The following WNK1 variants were observed in gnomAD, a reference collection of about 807,000 sequenced individuals.
WNK1 encodes serine/threonine-protein kinase WNK1.
WNK1 carries 38 observed loss-of-function variants against 222.8 expected under a neutral mutation model. The ratio of observed to expected loss-of-function variants is 0.17; its 90% CI spans 0.13 to 0.22. The LOEUF (loss-of-function observed/expected upper bound fraction) is 0.22. Ranked by LOEUF, WNK1 falls within the 10% of genes least tolerant of loss-of-function variation. The pLI, the probability that WNK1 is intolerant of heterozygous loss-of-function variation, is 1.00. For missense variants in WNK1, 2,348 were observed against 2,918.4 expected, an observed-to-expected ratio of 0.80 and a Z score of 4.50; for synonymous variants, 1,090 against 1,092.9, an observed-to-expected ratio of 1.00 and a Z score of 0.05.
At chr12:776,931 A>G (rs1427450971) in intron 1 of WNK1, among the ~76,000 whole-genome samples, 1 of 152,210 alleles carries the variant, frequency 6.6e-6, no homozygotes, top group East Asian at 1.9e-4. Context: ...AGTGTTTACA[A>G]AGACTTATTC....
intron 6 of WNK1, 101 bp downstream of exon 6, chr12:859,565 C>A: frequency 1.2e-6 from 1 of 855,032 alleles, no homozygotes; most frequent in Non-Finnish European, 1.8e-6. Flanking sequence ...TGTGGCATAT[C>A]CCATTGACAT....
At chr12:807,872 A>G (rs1232486439) in intron 1 of WNK1, among the ~76,000 whole-genome samples, 2 of 151,728 alleles carry the variant, frequency 1.3e-5, no homozygotes, top group Admixed American at 1.3e-4. Flanking sequence ...GGCGCGCGCC[A>G]CTACGCCTGG....
At chr12:905,322 C>T (rs1464091856) in intron 26 of WNK1, among the ~76,000 whole-genome samples, 1 of 152,098 alleles carries the variant, frequency 6.6e-6, no homozygotes, top group East Asian at 1.9e-4. Context: ...GAAGCCAGAA[C>T]GTGAAGGTTT....
Position 872,185 on chromosome 12 carries a change from G to C in WNK1, c.2223+837G>C, listed in dbSNP as rs1481069470. 2.0e-5 allele frequency among the ~76,000 whole-genome samples: 3 copies of C among 152,182 alleles called. No individual in the cohort carries two copies. The East Asian group carries it at 5.8e-4, about 29-fold the overall frequency. Reference sequence around the variant, plus strand: ...CTGTTGCCCAGGCTGGAGTGCAGTGGTGCAATCTTGGCTCACTGCAACTTC... The same window carrying C: ...CTGTTGCCCAGGCTGGAGTGCAGTGCTGCAATCTTGGCTCACTGCAACTTC... On this transcript the variant is annotated intron_variant, in intron 9 of 27. Coordinates refer to ENST00000315939, the MANE Select transcript of WNK1 (RefSeq NM_018979.4).
intron 14 of WNK1, among the ~76,000 whole-genome samples, chr12:882,326 G>A (rs1476352807): frequency 6.6e-6 from 1 of 151,910 alleles, no homozygotes; most frequent in African/African-American, 2.4e-5. Flanking sequence ...AGCCTCCCAA[G>A]TAGCTGGGAC....
chr12:902,558 C>G (rs1303554369), intron 26 of WNK1, among the ~76,000 whole-genome samples: 4 of 152,174 alleles, frequency 2.6e-5, no homozygotes, highest in Non-Finnish European at 5.9e-5. Context: ...TGATAAAGCA[C>G]TTAGTCTAAT....
intron 23 of WNK1, among the ~76,000 whole-genome samples, chr12:895,005 C>G (rs1460003927): frequency 6.6e-6 from 1 of 152,014 alleles, no homozygotes; most frequent in Non-Finnish European, 1.5e-5. Flanking sequence ...GTTTACCTAA[C>G]CAGTCTCTAT....
In WNK1 at chr12:789,534, C is replaced by CTTT. The variant is rs34511181; in HGVS notation, c.760-24090_760-24088dup. ...TAGTAGAAACTGTGTGGTTATACTC[C>CTTT]TTTTTTTTTTTTTTTTTTTTGAGAC... is the stretch of plus-strand genomic sequence containing the variant. On this transcript the variant is annotated intron_variant, in intron 1 of 27. Transcript: ENST00000315939. 1.1e-3 allele frequency among the ~76,000 whole-genome samples: 132 copies of CTTT among 117,738 alleles called. 7 individuals are homozygous for CTTT. The highest frequency in any genetic ancestry group is 1.7e-3 in the Non-Finnish European group (97 of 56,366). The allele number at this position is 117,738 out of a possible 152,430, so 77.2% of individuals were successfully genotyped here. A position where few individuals can be genotyped will look rare whatever the true frequency, so the allele number is the denominator to read the frequency against.
intron 1 of WNK1, among the ~76,000 whole-genome samples, chr12:804,184 C>G (rs1442485122): frequency 6.6e-6 from 1 of 152,186 alleles, no homozygotes; most frequent in Non-Finnish European, 1.5e-5. Context: ...CCTGCCTCCC[C>G]TGTCCTGAAT....
intron 1 of WNK1, among the ~76,000 whole-genome samples, chr12:799,252 A>G (rs1945642702): frequency 6.6e-6 from 1 of 151,182 alleles, no homozygotes; most frequent in Non-Finnish European, 1.5e-5. Flanking sequence ...CCTCCTGAGT[A>G]GCTGAGACCT....
At chr12:851,485 G>A (rs1950416504) in intron 4 of WNK1, 1 of 1,150,910 alleles carries the variant, frequency 8.7e-7, no homozygotes, top group Non-Finnish European at 1.1e-6. Context: ...TGTTGGGCAT[G>A]CAGTTTTGTC....
rs1229285578 is a variant in WNK1 at position 754,133 on chromosome 12, G to A, written c.568G>A (p.Ala190Thr). 3 of 1,611,954 alleles carry A rather than the reference G, an allele frequency of 1.9e-6. No individual in the cohort carries two copies. The highest frequency in any genetic ancestry group is 2.5e-6 in the Non-Finnish European group (3 of 1,179,876). ...PARSGSGGGS[A>T]KEPQEERSQQ... The stretch of plus-strand genomic sequence containing the variant: ...GAGAAGTGGCAGCGGCGGCGGCAGC[G>A]CCAAGGAGCCACAGGAGGAACGGAG... Residue 190 changes from alanine to threonine, a missense_variant, in exon 1 of 28, where the codon GCC (alanine) becomes ACC (threonine). Transcript: ENST00000315939.
At chr12:768,812 T>G (rs2153943594) in intron 1 of WNK1, among the ~76,000 whole-genome samples, 1 of 152,054 alleles carries the variant, frequency 6.6e-6, no homozygotes, top group South Asian at 2.1e-4. Context: ...TGGATGAAGT[T>G]TTTTTGTTTT....
In WNK1 at chr12:878,277, A is replaced by G. The variant is rs766188712; in HGVS notation, c.2289A>G (p.Ser763=). 1 of 1,614,032 alleles carries G rather than the reference A, an allele frequency of 6.2e-7. No homozygotes were observed. The highest frequency in any genetic ancestry group is 2.2e-5 in the East Asian group (1 of 44,896). The change falls in exon 10 of 28, where the codon TCA becomes TCG. Residue 763 remains serine, a synonymous_variant. Transcript: ENST00000315939. ...QTVQYSLSQT[S]TSSEATTAQP... ...TGCAGTATTCACTTTCACAGACATC[A>G]ACCTCCAGTGAGGCCACTACTGCAC...
At chr12:893,766 T>A (rs1954489268) in intron 22 of WNK1, among the ~76,000 whole-genome samples, 1 of 149,478 alleles carries the variant, frequency 6.7e-6, no homozygotes. Context: ...TAGCTTGCAG[T>A]GAGCCAAGAT....
chr12:772,143 A>G (rs959803399), intron 1 of WNK1, among the ~76,000 whole-genome samples: 13 of 152,246 alleles, frequency 8.5e-5, no homozygotes, highest in Non-Finnish European at 1.3e-4. Context: ...CACTCTCGTT[A>G]TAAAAATTAG....
chr12:868,080 T>C (rs1467144891), intron 8 of WNK1: 1 of 1,614,030 alleles, frequency 6.2e-7, no homozygotes, highest in Non-Finnish European at 8.5e-7. Context: ...CAAAGTCTTC[T>C]TCCACCTGGT....
intron 1 of WNK1, among the ~76,000 whole-genome samples, chr12:784,035 C>G (rs899394494): frequency 2.1e-5 from 2 of 93,386 alleles, no homozygotes; most frequent in African/African-American, 8.0e-5. Context: ...GGCTAGGCAA[C>G]AAACCAAGAT....
At position 886,047 on chromosome 12, in the gene WNK1, G is replaced by A; in HGVS notation, c.5243G>A (p.Gly1748Glu). 1 of 1,604,854 alleles carries A rather than the reference G, an allele frequency of 6.2e-7. No individual in the cohort carries two copies. Among genetic ancestry groups the A allele is most frequent in the African/African-American group, 1.3e-5 (1 of 74,270 alleles). Reference protein sequence around the residue: ...VSTTTSGVKPGTAPSKPPLTK... With the variant: ...VSTTTSGVKPETAPSKPPLTK... ...ACTACTACATCAGGAGTGAAACCTG[G>A]AACTGCTCCCTCCAAGCCACCTCTA... Residue 1748 changes from glycine to glutamate, a missense_variant, in exon 19 of 28, where the codon GGA (glycine) becomes GAA (glutamate). Coordinates refer to ENST00000315939, the MANE Select transcript of WNK1 (RefSeq NM_018979.4).
Sources: gnomAD v4.1 joint callset for allele counts (sites outside exome capture counted in the v4.1 genomes callset) on GRCh38, gnomAD v4.1.1 for gene constraint, MANE v1.5 for transcripts, NCBI Gene and HGNC (gene_info 2026-07-23, HGNC 2026-07-21) for gene names.